Variants in PLCL1 observed in about 807,000 individuals in gnomAD.
The protein encoded by PLCL1 is inactive phospholipase C-like protein 1.
A neutral mutation model predicts 84.4 loss-of-function variants in PLCL1; 41 were observed. The observed-to-expected ratio is 0.49, with a 90% confidence interval of 0.38 to 0.63. The LOEUF is 0.63. Among genes scored for constraint, PLCL1 ranks in the 30% least tolerant of loss-of-function variants. PLCL1 has a pLI of 0.00. For missense variants in PLCL1, 1,206 were observed against 1,367.8 expected, an observed-to-expected ratio of 0.88 and a Z score of 1.87; for synonymous variants, 490 against 488.3, an observed-to-expected ratio of 1.00 and a Z score of -0.05.
intron 1 of PLCL1, among the ~76,000 whole-genome samples, chr2:198,045,691 A>G (rs1482301307): frequency 6.6e-6 from 1 of 152,236 alleles, no homozygotes; most frequent in African/African-American, 2.4e-5. Context: ...ACTGCCGGAA[A>G]TCAATGGCTC....
chr2:198,101,269 G>A lies in PLCL1; in HGVS notation c.2920-16G>A. ...GGATTCTGACAACCACCTTTTTGAT[G>A]TTTATTTTGTAACAGATGATTCAAG... On this transcript the variant is annotated splice_polypyrimidine_tract_variant and intron_variant, in intron 3 of 5. Transcript: ENST00000428675. 1 of 1,528,378 alleles carries A rather than the reference G, an allele frequency of 6.5e-7. No homozygotes were observed. Among genetic ancestry groups the A allele is most frequent in the Non-Finnish European group, 9.0e-7 (1 of 1,110,872 alleles). The allele number at this position is 1,528,378 out of a possible 1,614,324, so 94.7% of individuals were successfully genotyped here.
chr2:198,126,860 A>G (rs1693999134), intron 5 of PLCL1, among the ~76,000 whole-genome samples: 1 of 152,024 alleles, frequency 6.6e-6, no homozygotes, highest in African/African-American at 2.4e-5. Flanking sequence ...ACATGATTGC[A>G]CCTCTGCACA....
At chr2:197,977,285 C>G (rs563389653) in intron 1 of PLCL1, among the ~76,000 whole-genome samples, 1 of 152,222 alleles carries the variant, frequency 6.6e-6, no homozygotes, top group South Asian at 2.1e-4. Context: ...CCCCCGCCCC[C>G]TCACCTAACC....
intron 1 of PLCL1, among the ~76,000 whole-genome samples, chr2:197,891,893 T>C (rs368274203): frequency 6.6e-6 from 1 of 152,204 alleles, no homozygotes; most frequent in African/African-American, 2.4e-5. Flanking sequence ...AGCTCCTAAA[T>C]GATGTTGAGG....
intron 1 of PLCL1, among the ~76,000 whole-genome samples, chr2:197,876,993 A>C (rs926216287): frequency 6.6e-6 from 1 of 152,126 alleles, no homozygotes; most frequent in Non-Finnish European, 1.5e-5. Flanking sequence ...TGTTTTTCAG[A>C]TATGATGTGT....
chr2:198,042,702 G>A (rs554788886), intron 1 of PLCL1, among the ~76,000 whole-genome samples: 20 of 152,096 alleles, frequency 1.3e-4, no homozygotes, highest in Non-Finnish European at 2.6e-4. Context: ...TATGATGATG[G>A]AACATCCAAG....
chr2:198,110,482 C>T (rs1693592890), intron 5 of PLCL1, among the ~76,000 whole-genome samples: 1 of 151,806 alleles, frequency 6.6e-6, no homozygotes, highest in Non-Finnish European at 1.5e-5. Context: ...ACATGGATGT[C>T]AGTGTAGAAA....
intron 1 of PLCL1, among the ~76,000 whole-genome samples, chr2:197,830,492 A>G (rs779352741): frequency 3.9e-5 from 6 of 152,130 alleles, no homozygotes; most frequent in Non-Finnish European, 7.4e-5. Context: ...AAAAGGAATG[A>G]ACAAAGCCTC....
intron 1 of PLCL1, among the ~76,000 whole-genome samples, chr2:197,985,367 A>C (rs1490933019): frequency 1.3e-5 from 2 of 152,146 alleles, no homozygotes; most frequent in African/African-American, 4.8e-5. Flanking sequence ...TTTTAAAAGG[A>C]TGGCAGTAGG....
chr2:197,936,133 C>CA (rs1559050173), intron 1 of PLCL1, among the ~76,000 whole-genome samples: 2 of 141,480 alleles, frequency 1.4e-5, no homozygotes, highest in Admixed American at 7.1e-5. Context: ...TATTAAACAC[C>CA]CCCCCCCTCA....
intron 1 of PLCL1, among the ~76,000 whole-genome samples, chr2:197,952,002 G>A (rs1689399626): frequency 6.6e-6 from 1 of 152,132 alleles, no homozygotes. Flanking sequence ...TTTGTAATAA[G>A]CATTCGTGAT....
intron 1 of PLCL1, among the ~76,000 whole-genome samples, chr2:197,999,961 A>G (rs1201838345): frequency 6.6e-6 from 1 of 152,158 alleles, no homozygotes; most frequent in East Asian, 1.9e-4. Context: ...TCAGTTATCA[A>G]TTATCTATTT....
At chr2:198,096,403 GC>G (rs1319074683) in intron 3 of PLCL1, among the ~76,000 whole-genome samples, 1 of 152,136 alleles carries the variant, frequency 6.6e-6, no homozygotes, top group Non-Finnish European at 1.5e-5. Context: ...AGATGGCCGA[GC>G]TTTTCCTTTT....
chr2:197,940,930 A>G (rs555094930), intron 1 of PLCL1, among the ~76,000 whole-genome samples: 149 of 152,362 alleles, frequency 9.8e-4, no homozygotes, highest in Non-Finnish European at 1.5e-3. Context: ...GAAAGTATAC[A>G]GTCTTAGGAA....
chr2:197,821,051 A>G (rs1463483454), intron 1 of PLCL1, among the ~76,000 whole-genome samples: 1 of 152,100 alleles, frequency 6.6e-6, no homozygotes, highest in Non-Finnish European at 1.5e-5. Flanking sequence ...TGTCCCTGTA[A>G]GGATCACGGT....
intron 1 of PLCL1, among the ~76,000 whole-genome samples, chr2:197,835,274 T>G (rs1216643160): frequency 1.3e-5 from 2 of 152,146 alleles, no homozygotes; most frequent in Non-Finnish European, 2.9e-5. Flanking sequence ...TGCTCATGTA[T>G]CCTAGAACAT....
At chr2:197,849,667 GT>G (rs1051548361) in intron 1 of PLCL1, among the ~76,000 whole-genome samples, 1 of 82,038 alleles carries the variant, frequency 1.2e-5, no homozygotes, top group African/African-American at 3.0e-5. Flanking sequence ...ACCTTAAAAT[GT>G]TTTTTTTCTT....
chr2:197,981,612 C>T (rs112031657), intron 1 of PLCL1, among the ~76,000 whole-genome samples: 2,737 of 152,194 alleles, frequency 0.018, 75 homozygotes, highest in African/African-American at 0.06. Context: ...CTTGTTCTTA[C>T]GTAGAATTTT....
chr2:198,002,460 T>G (rs1177471161), intron 1 of PLCL1, among the ~76,000 whole-genome samples: 1 of 152,228 alleles, frequency 6.6e-6, no homozygotes, highest in Non-Finnish European at 1.5e-5. Flanking sequence ...TATAATATTT[T>G]TTAACATCTG....
Sources: gnomAD v4.1 joint callset for allele counts (sites outside exome capture counted in the v4.1 genomes callset) on GRCh38, gnomAD v4.1.1 for gene constraint, MANE v1.5 for transcripts, NCBI Gene and HGNC (gene_info 2026-07-23, HGNC 2026-07-21) for gene names.